LRRC4C: variants seen among roughly 807,000 people sequenced by gnomAD.
LRRC4C encodes the protein leucine-rich repeat-containing protein 4C.
In LRRC4C, 5 loss-of-function variants were observed where a neutral mutation model predicts 33.6. That is an observed-to-expected ratio of 0.15 (90% CI 0.08 to 0.31). The LOEUF (loss-of-function observed/expected upper bound fraction) is 0.31. Ranked by LOEUF, LRRC4C falls within the 10% of genes least tolerant of loss-of-function variation. LRRC4C has a pLI of 1.00. For missense variants in LRRC4C, 560 were observed against 796.7 expected, an observed-to-expected ratio of 0.70 and a Z score of 3.58; for synonymous variants, 329 against 302.0, an observed-to-expected ratio of 1.09 and a Z score of -0.93.
chr11:40,274,462 C>CACACAG (rs1942951133), intron 4 of LRRC4C, among the ~76,000 whole-genome samples: 1 of 150,174 alleles, frequency 6.7e-6, no homozygotes, highest in Non-Finnish European at 1.5e-5. Context: ...CACACACACA[C>CACACAG]ACACAGAAAC....
At chr11:41,385,636 T>C (rs1283185215) in intron 1 of LRRC4C, among the ~76,000 whole-genome samples, 3 of 151,616 alleles carry the variant, frequency 2.0e-5, no homozygotes, top group Admixed American at 6.6e-5. Flanking sequence ...GGAACATTTA[T>C]TGTCTTGCAT....
intron 1 of LRRC4C, among the ~76,000 whole-genome samples, chr11:41,223,674 C>G (rs1947404472): frequency 6.6e-6 from 1 of 152,154 alleles, no homozygotes; most frequent in African/African-American, 2.4e-5. Context: ...AAAAAAATGT[C>G]TTAAGGCAAC....
chr11:40,986,925 A>G (rs1469332331), intron 1 of LRRC4C, among the ~76,000 whole-genome samples: 3 of 152,242 alleles, frequency 2.0e-5, no homozygotes, highest in African/African-American at 7.2e-5. Context: ...CTACTGTTGC[A>G]AAGGCAAAAC....
chr11:40,744,749 C>A (rs2136933604), intron 2 of LRRC4C, among the ~76,000 whole-genome samples: 1 of 152,222 alleles, frequency 6.6e-6, no homozygotes, highest in African/African-American at 2.4e-5. Flanking sequence ...ATATCAATGG[C>A]AATGCTATGC....
intron 3 of LRRC4C, among the ~76,000 whole-genome samples, chr11:40,411,355 TA>T (rs1250704980): frequency 6.6e-6 from 1 of 152,064 alleles, no homozygotes; most frequent in Non-Finnish European, 1.5e-5. Context: ...TTCAATGTAG[TA>T]AAACTGTTCC....
chr11:41,115,424 C>T (rs1168747599), intron 1 of LRRC4C, among the ~76,000 whole-genome samples: 5 of 150,610 alleles, frequency 3.3e-5, no homozygotes, highest in Admixed American at 6.6e-5. Context: ...TGATTTTGCT[C>T]CTTATTTAGC....
At chr11:40,862,861 T>C (rs1306449557) in intron 2 of LRRC4C, among the ~76,000 whole-genome samples, 1 of 152,194 alleles carries the variant, frequency 6.6e-6, no homozygotes, top group East Asian at 1.9e-4. Context: ...AAAAATGCTG[T>C]ACATTGCTGA....
At chr11:41,242,937 T>G (rs1209605480) in intron 1 of LRRC4C, among the ~76,000 whole-genome samples, 1 of 152,212 alleles carries the variant, frequency 6.6e-6, no homozygotes. Context: ...AACTTGGTTT[T>G]TCTTAAAAGC....
chr11:40,684,699 GA>G (rs1458368209), intron 2 of LRRC4C, among the ~76,000 whole-genome samples: 3 of 150,992 alleles, frequency 2.0e-5, no homozygotes, highest in Non-Finnish European at 4.4e-5. Context: ...AAATACCAAA[GA>G]AAAAAAGACA....
intron 2 of LRRC4C, among the ~76,000 whole-genome samples, chr11:40,714,208 A>T (rs922795590): frequency 6.6e-6 from 1 of 152,176 alleles, no homozygotes; most frequent in African/African-American, 2.4e-5. Flanking sequence ...CTTCATTTCA[A>T]CAACATAGAG....
At chr11:41,192,438 G>T (rs1317507968) in intron 1 of LRRC4C, among the ~76,000 whole-genome samples, 2 of 149,706 alleles carry the variant, frequency 1.3e-5, no homozygotes, top group Non-Finnish European at 3.0e-5. Context: ...TATATACATA[G>T]AAATGTATAC....
chr11:41,000,095 T>A (rs1380984039), intron 1 of LRRC4C, among the ~76,000 whole-genome samples: 1 of 152,178 alleles, frequency 6.6e-6, no homozygotes, highest in Non-Finnish European at 1.5e-5. Flanking sequence ...AAAAAATTAT[T>A]CTGTAGGCTC....
chr11:40,497,402 TAA>T (rs369417848), intron 3 of LRRC4C, among the ~76,000 whole-genome samples: 205 of 145,358 alleles, frequency 1.4e-3, no homozygotes, highest in African/African-American at 5.0e-3. Flanking sequence ...AAAATTCCAT[TAA>T]AAAAAAAAGT....
intron 4 of LRRC4C, among the ~76,000 whole-genome samples, chr11:40,270,670 C>T (rs922607905): frequency 1.3e-5 from 2 of 152,004 alleles, no homozygotes; most frequent in Non-Finnish European, 2.9e-5. Context: ...AACCCAAATC[C>T]TCCTTACAAT....
At chr11:40,394,404 CAGGAGCTAA>C in intron 3 of LRRC4C, among the ~76,000 whole-genome samples, 1 of 152,270 alleles carries the variant, frequency 6.6e-6, no homozygotes, top group South Asian at 2.1e-4. Flanking sequence ...TACCTACAGA[CAGGAGCTAA>C]AGAGCTGGTG....
intron 1 of LRRC4C, among the ~76,000 whole-genome samples, chr11:41,169,607 C>T (rs971214496): frequency 2.6e-5 from 4 of 152,064 alleles, no homozygotes; most frequent in Admixed American, 2.6e-4. Flanking sequence ...TCTATTTGGT[C>T]CATTATAGAT....
intron 3 of LRRC4C, among the ~76,000 whole-genome samples, chr11:40,375,348 G>A (rs1031087584): frequency 1.1e-4 from 17 of 152,116 alleles, no homozygotes; most frequent in Non-Finnish European, 1.0e-4. Flanking sequence ...AACCAAGATG[G>A]AAAATGAATC....
intron 3 of LRRC4C, among the ~76,000 whole-genome samples, chr11:40,643,336 A>T (rs555760153): frequency 6.6e-6 from 1 of 152,294 alleles, no homozygotes; most frequent in South Asian, 2.1e-4. Context: ...TAGGCCATCA[A>T]TGCCCTAATG....
chr11:40,308,387 A>G lies in LRRC4C; in HGVS notation c.-176+11241T>C, dbSNP rs1945141637. 2.0e-5 allele frequency among the ~76,000 whole-genome samples: 3 copies of G among 152,216 alleles called. No individual in the cohort carries two copies. In the South Asian group the frequency reaches 6.2e-4, roughly 31 times the overall value. ...CTTCATAGCATTGTAAATATGTTAC[A>G]TTGAATAATGCCTCCCCTCAACCTC... On this transcript the variant is annotated intron_variant, in intron 4 of 6. Transcript: ENST00000528697.
Sources: allele counts gnomAD v4.1 joint callset (sites outside exome capture counted in the v4.1 genomes callset), GRCh38; gene constraint gnomAD v4.1.1; transcripts MANE v1.5; gene names NCBI Gene and HGNC (gene_info 2026-07-23, HGNC 2026-07-21).